The following ABCA13 variants were observed in gnomAD, a reference collection of about 807,000 sequenced individuals.
ABCA13 encodes the protein ATP binding cassette subfamily A member 13.
In ABCA13, 476 loss-of-function variants were observed where a neutral mutation model predicts 478.7. The ratio of observed to expected loss-of-function variants is 0.99; its 90% CI spans 0.92 to 1.07. The LOEUF (loss-of-function observed/expected upper bound fraction) is 1.07. ABCA13 is among the 50% of genes least tolerant of loss of function. ABCA13 has a pLI of 0.00. For missense variants in ABCA13, 6,060 were observed against 5,910.6 expected, an observed-to-expected ratio of 1.03 and a Z score of -0.83; for synonymous variants, 2,252 against 2,158.9, an observed-to-expected ratio of 1.04 and a Z score of -1.20.
intron 7 of ABCA13, among the ~76,000 whole-genome samples, chr7:48,231,821 C>G (rs1285780471): frequency 6.6e-6 from 1 of 152,088 alleles, no homozygotes; most frequent in African/African-American, 2.4e-5. Flanking sequence ...ATCACCACGC[C>G]TGGCTAATTT....
At chr7:48,322,128 T>G (rs553317356) in intron 27 of ABCA13, among the ~76,000 whole-genome samples, 19 of 152,288 alleles carry the variant, frequency 1.2e-4, no homozygotes, top group Admixed American at 2.6e-4. Flanking sequence ...AGCAGTGAGG[T>G]GTCAGATATT....
intron 31 of ABCA13, among the ~76,000 whole-genome samples, chr7:48,360,047 A>G (rs974745486): frequency 6.6e-5 from 10 of 151,872 alleles, no homozygotes; most frequent in African/African-American, 2.4e-4. Flanking sequence ...ATTTTATTTT[A>G]TTTTTTATTA....
At chr7:48,293,061 C>T (rs1445591537) in intron 20 of ABCA13, among the ~76,000 whole-genome samples, 2 of 152,110 alleles carry the variant, frequency 1.3e-5, no homozygotes, top group South Asian at 4.2e-4. Flanking sequence ...AAGTTGCATG[C>T]TTTGTAATAA....
chr7:48,594,602 C>A, intron 57 of ABCA13, 108 bp from the exon 58 acceptor site: 2 of 964,208 alleles, frequency 2.1e-6, no homozygotes, highest in Non-Finnish European at 3.3e-6. Flanking sequence ...TCTTTTAGAG[C>A]CAGAGCAGAG....
chr7:48,644,550 G>T, intron 60 of ABCA13, 67 bp from the exon 61 acceptor site: 14 of 1,484,394 alleles, frequency 9.4e-6, no homozygotes, highest in Non-Finnish European at 1.3e-5. Flanking sequence ...ATTAAATGTA[G>T]TATGATCAAT....
chr7:48,269,641 A>C (rs997146134), intron 16 of ABCA13, among the ~76,000 whole-genome samples: 4 of 152,206 alleles, frequency 2.6e-5, no homozygotes, highest in Admixed American at 1.3e-4. Flanking sequence ...GATGGGAGAG[A>C]TGTTTTGCAT....
chr7:48,220,074 A>G (rs1009775977), intron 4 of ABCA13, among the ~76,000 whole-genome samples: 1 of 152,212 alleles, frequency 6.6e-6, no homozygotes, highest in Non-Finnish European at 1.5e-5. Context: ...CCCTAAACAA[A>G]AGCAATTTCT....
At chr7:48,305,786 A>C (rs1584751890) in intron 23 of ABCA13, among the ~76,000 whole-genome samples, 1 of 152,342 alleles carries the variant, frequency 6.6e-6, no homozygotes, top group African/African-American at 2.4e-5. Flanking sequence ...ATAATTATCT[A>C]AGTGGCCAAG....
intron 33 of ABCA13, among the ~76,000 whole-genome samples, chr7:48,372,875 A>G (rs549155514): frequency 6.6e-6 from 1 of 152,360 alleles, no homozygotes; most frequent in South Asian, 2.1e-4. Flanking sequence ...GAATTACATC[A>G]CATTAAGTGG....
intron 41 of ABCA13, among the ~76,000 whole-genome samples, chr7:48,421,039 T>C (rs2362301): frequency 0.88 from 133,487 of 152,184 alleles, 58,667 homozygotes; most frequent in South Asian, 0.94. Context: ...GCATTTTTAG[T>C]TGGCATATTC....
chr7:48,370,665 G>A (rs1278319771), intron 32 of ABCA13, among the ~76,000 whole-genome samples: 1 of 152,084 alleles, frequency 6.6e-6, no homozygotes, highest in African/African-American at 2.4e-5. Context: ...AAATCAAGGT[G>A]GAAACTAACT....
chr7:48,514,460 A>C (rs1831958295), intron 51 of ABCA13, among the ~76,000 whole-genome samples: 1 of 152,226 alleles, frequency 6.6e-6, no homozygotes, highest in South Asian at 2.1e-4. Flanking sequence ...CTGTTCCAGA[A>C]TATAGAGTTT....
At position 48,281,351 on chromosome 7, in the gene ABCA13, A is replaced by C. The variant is rs1797008674; in HGVS notation, c.8735A>C (p.Glu2912Ala). Residue 2912 changes from glutamate to alanine, a missense_variant, in exon 19 of 62, where the codon GAG (glutamate) becomes GCG (alanine). Coordinates refer to ENST00000435803, the MANE Select transcript of ABCA13 (RefSeq NM_152701.5). ...TATATTTTTTTGCTAAGTGTTGTTG[A>C]GATTTGTGAAGTTTTCCAGCAGACT... The part of the protein sequence containing the change: ...QIPLTDQSVV[E>A]ICEVFQQTVK... 1.2e-6 allele frequency: 2 copies of C among 1,602,030 alleles called. No homozygotes were observed.
At chr7:48,282,397 A>G (rs1797169329) in intron 19 of ABCA13, among the ~76,000 whole-genome samples, 1 of 152,182 alleles carries the variant, frequency 6.6e-6, no homozygotes, top group South Asian at 2.1e-4. Context: ...GGCTGCCCAG[A>G]GCCCCCTCAG....
intron 6 of ABCA13, among the ~76,000 whole-genome samples, chr7:48,227,635 G>A (rs931200493): frequency 7.2e-5 from 11 of 152,082 alleles, no homozygotes; most frequent in South Asian, 2.1e-4. Flanking sequence ...TGTTCAGAGC[G>A]TGTGCTCCCT....
intron 16 of ABCA13, 58 bp downstream of exon 16, chr7:48,269,152 A>C (rs2128742693): frequency 1.0e-6 from 1 of 979,046 alleles, no homozygotes; most frequent in South Asian, 1.5e-5. Context: ...GAAGATAATC[A>C]AAACCTAATT....
At chr7:48,423,052 A>G (rs779707999) in intron 41 of ABCA13, among the ~76,000 whole-genome samples, 16 of 152,236 alleles carry the variant, frequency 1.1e-4, no homozygotes, top group Admixed American at 7.8e-4. Context: ...TTAAGCCACC[A>G]CATTTGTGGT....
intron 42 of ABCA13, among the ~76,000 whole-genome samples, chr7:48,443,466 T>C (rs1381216672): frequency 6.6e-6 from 1 of 152,228 alleles, no homozygotes; most frequent in Non-Finnish European, 1.5e-5. Flanking sequence ...ATCCCTCCTC[T>C]GGAAGCCTCT....
At chr7:48,281,321 T>C (rs760058997) in intron 18 of ABCA13, 22 bp from the exon 19 acceptor site, 1 of 1,565,338 alleles carries the variant, frequency 6.4e-7, no homozygotes, top group Non-Finnish European at 8.7e-7. Context: ...TTTTATGTCA[T>C]TGTATATATT....
Sources: gnomAD v4.1 joint callset for allele counts (sites outside exome capture counted in the v4.1 genomes callset) on GRCh38, gnomAD v4.1.1 for gene constraint, MANE v1.5 for transcripts, NCBI Gene and HGNC (gene_info 2026-07-23, HGNC 2026-07-21) for gene names.